The following CENPK variants were observed in gnomAD, a reference collection of about 807,000 sequenced individuals.
The protein encoded by CENPK is SoxLZ/Sox6-binding protein Solt.
Under a neutral mutation model 40.9 loss-of-function variants are expected in CENPK, and 46 were observed. That is an observed-to-expected ratio of 1.13 (90% CI 0.89 to 1.44). The LOEUF is 1.44. CENPK is among the 40% of genes most tolerant of loss of function. The pLI is 0.00. For missense variants in CENPK, 288 were observed against 303.5 expected, an observed-to-expected ratio of 0.95 and a Z score of 0.38; for synonymous variants, 107 against 104.4, an observed-to-expected ratio of 1.02 and a Z score of -0.15.
chr5:65,521,671 G>C, intron 9 of CENPK, 143 bp from the exon 10 acceptor site: 1 of 617,578 alleles, frequency 1.6e-6, no homozygotes, highest in South Asian at 2.0e-5. Context: ...CGCAATCTCG[G>C]TTCACTGCAA....
chr5:65,533,292 G>C (rs894512872), intron 6 of CENPK, among the ~76,000 whole-genome samples: 2 of 151,810 alleles, frequency 1.3e-5, no homozygotes, highest in Non-Finnish European at 2.9e-5. Flanking sequence ...AGAGATTGCA[G>C]TGAACTGAGA....
chr5:65,519,072 C>T (rs1413589492), intron 10 of CENPK, among the ~76,000 whole-genome samples: 2 of 152,172 alleles, frequency 1.3e-5, no homozygotes, highest in African/African-American at 4.8e-5. Context: ...TTGCAAGAGT[C>T]AATTTTATCA....
rs892129867 is a variant in CENPK at position 65,529,000 on chromosome 5, T to A, written c.389A>T (p.Asp130Val). Residue 130 changes from aspartate to valine, a missense_variant, in exon 8 of 11, where the codon GAT becomes GTT. By Grantham distance (152) the Asp-to-Val change is radical. Coordinates refer to ENST00000396679, the MANE Select transcript of CENPK (RefSeq NM_022145.5). ...EDLEREQRWLDEQQQIMESLN... is the reference protein window; with the variant it reads ...EDLEREQRWLVEQQQIMESLN... ...AGATTCCATTATCTGTTGCTGTTCATCCAACCACCGTTGTTCCCTTTCGAC... is the reference window on the plus strand; with the variant it reads ...AGATTCCATTATCTGTTGCTGTTCAACCAACCACCGTTGTTCCCTTTCGAC... The A allele has an allele frequency of 3.1e-6, 5 of 1,610,084 alleles. No individual in the cohort carries two copies. The highest frequency in any genetic ancestry group is 1.7e-4 in the Middle Eastern group (1 of 6,038).
chr5:65,503,088 C>T, the CENPK span, among the ~76,000 whole-genome samples: 8 of 150,702 alleles, frequency 5.3e-5, no homozygotes, highest in South Asian at 4.2e-4. Context: ...TGTGAGCCAC[C>T]GTGCCTGCCC....
At chr5:65,500,891 C>T in the CENPK span, among the ~76,000 whole-genome samples, 1 of 151,870 alleles carries the variant, frequency 6.6e-6, no homozygotes, top group African/African-American at 2.4e-5. Context: ...AGGATGTTCT[C>T]GATCTCTTGA....
chr5:65,536,952 G>A (rs1158371649), intron 6 of CENPK, among the ~76,000 whole-genome samples: 1 of 152,136 alleles, frequency 6.6e-6, no homozygotes, highest in Non-Finnish European at 1.5e-5. Flanking sequence ...TGCCATAATT[G>A]CCAGAATAGG....
chr5:65,561,681 G>T, intron 1 of CENPK, 117 bp from the exon 2 acceptor site: 1 of 239,190 alleles, frequency 4.2e-6, no homozygotes, highest in Non-Finnish European at 9.0e-6. Flanking sequence ...TCCTGGAAAG[G>T]GAACAAGTCA....
chr5:65,513,537 T>TTC (rs930155759), downstream of CENPK, among the ~76,000 whole-genome samples: 1 of 151,998 alleles, frequency 6.6e-6, no homozygotes, highest in South Asian at 2.1e-4. Flanking sequence ...TCCTTCTTTC[T>TTC]TCTCTCTCTC....
chr5:65,540,961 T>C (rs577452169), intron 6 of CENPK, among the ~76,000 whole-genome samples: 1 of 151,670 alleles, frequency 6.6e-6, no homozygotes, highest in East Asian at 1.9e-4. Context: ...GCACACACCA[T>C]CACACACACA....
intron 6 of CENPK, among the ~76,000 whole-genome samples, chr5:65,532,879 A>G (rs1359733595): frequency 2.5e-5 from 3 of 120,420 alleles, no homozygotes; most frequent in African/African-American, 9.1e-5. Flanking sequence ...ATTGCACTCC[A>G]GCCTGGACAA....
Position 65,518,405 on chromosome 5 carries a change from A to G in CENPK, c.*70T>C. The G allele has an allele frequency of 1.4e-6, 2 of 1,478,652 alleles. No homozygotes were observed. The highest frequency in any genetic ancestry group is 1.8e-6 in the Non-Finnish European group (2 of 1,084,672). The allele number at this position is 1,478,652 out of a possible 1,614,324, so 91.6% of individuals were successfully genotyped here. On this transcript the variant is annotated 3_prime_UTR_variant, in exon 11 of 11. Transcript: ENST00000396679. ...AATTTGCAAATAATGTTTTTTATCC[A>G]AATAGTCCTGTGGTTCCAATATCCT...
chr5:65,503,792 G>A, the CENPK span, among the ~76,000 whole-genome samples: 1 of 151,768 alleles, frequency 6.6e-6, no homozygotes, highest in Non-Finnish European at 1.5e-5. Flanking sequence ...GAGTAGCTGG[G>A]ACTACAAGCA....
Position 65,554,819 on chromosome 5 carries a change from T to C in CENPK, c.89A>G (p.Glu30Gly), listed in dbSNP as rs1248409774. 1 of 1,579,974 alleles carries C rather than the reference T, an allele frequency of 6.3e-7. No individual in the cohort carries two copies. The highest frequency in any genetic ancestry group is 1.3e-5 in the African/African-American group (1 of 74,264). Residue 30 changes from glutamate (E) to glycine (G), a missense_variant, in exon 3 of 11, where the codon GAA (glutamate) becomes GGA (glycine). Physicochemically the swap from Glu to Gly is moderately conservative, Grantham distance 98. Coordinates refer to ENST00000396679, the MANE Select transcript of CENPK (RefSeq NM_022145.5). ...TACTTCTTCCATATCTTTCCACATT[T>C]CTTCACATTCTCTAATAAGTTCTTC... The part of the protein sequence containing the change: ...TEEELIRECE[E>G]MWKDMEECQN...
chr5:65,539,461 GGAAA>G (rs1747555675), intron 6 of CENPK, among the ~76,000 whole-genome samples: 1 of 152,158 alleles, frequency 6.6e-6, no homozygotes, highest in African/African-American at 2.4e-5. Flanking sequence ...GAACGAAATA[GGAAA>G]GAAGGGGTAA....
chr5:65,515,620 G>C (rs924078230), downstream of CENPK, among the ~76,000 whole-genome samples: 49 of 152,066 alleles, frequency 3.2e-4, no homozygotes, highest in African/African-American at 1.1e-3. Flanking sequence ...AGTATTTTGG[G>C]ATTTTCCAGG....
intron 9 of CENPK, among the ~76,000 whole-genome samples, chr5:65,527,179 T>C (rs1450659479): frequency 3.3e-5 from 5 of 151,982 alleles, no homozygotes; most frequent in African/African-American, 1.2e-4. Flanking sequence ...CAAAAGATGC[T>C]TGAACTGTCT....
At chr5:65,522,877 AC>A (rs1744035258) in intron 9 of CENPK, among the ~76,000 whole-genome samples, 1 of 152,246 alleles carries the variant, frequency 6.6e-6, no homozygotes, top group Non-Finnish European at 1.5e-5. Context: ...AAAAAAGAAC[AC>A]CCACTTTCAT....
chr5:65,542,744 T>C, intron 6 of CENPK, 58 bp downstream of exon 6: 1 of 1,317,642 alleles, frequency 7.6e-7, no homozygotes, highest in African/African-American at 1.5e-5. Context: ...TGAACTTATC[T>C]AAAATAGATC....
chr5:65,504,016 C>G, the CENPK span, among the ~76,000 whole-genome samples: 86 of 151,920 alleles, frequency 5.7e-4, no homozygotes, highest in African/African-American at 2.1e-3. Context: ...TTGTAATATG[C>G]AACTGTCCTG....
Sources: allele counts gnomAD v4.1 joint callset (sites outside exome capture counted in the v4.1 genomes callset), GRCh38; gene constraint gnomAD v4.1.1; transcripts MANE v1.5; gene names NCBI Gene and HGNC (gene_info 2026-07-23, HGNC 2026-07-21).